TCOF1: variants seen among roughly 807,000 people sequenced by gnomAD.
TCOF1 encodes treacle protein.
Under a neutral mutation model 149.0 loss-of-function variants are expected in TCOF1, and 33 were observed. The ratio of observed to expected loss-of-function variants is 0.22; its 90% CI spans 0.17 to 0.30. TCOF1 has a LOEUF of 0.30. Among genes scored for constraint, TCOF1 ranks in the 10% least tolerant of loss-of-function variants. The probability of loss-of-function intolerance (pLI) is 1.00; values close to 1 mark genes in which losing one functional copy is unlikely to be tolerated. For missense variants in TCOF1, 1,728 were observed against 1,840.7 expected, an observed-to-expected ratio of 0.94 and a Z score of 1.12; for synonymous variants, 789 against 738.8, an observed-to-expected ratio of 1.07 and a Z score of -1.10.
chr5:150,374,143 G>A (rs1438363994), intron 7 of TCOF1, 31 bp from the exon 8 acceptor site: 1 of 1,598,022 alleles, frequency 6.3e-7, no homozygotes, highest in Non-Finnish European at 8.5e-7. Flanking sequence ...TTCACAAGCA[G>A]GAGAGCAAGC....
chr5:150,388,690 C>A (rs1304067317), intron 18 of TCOF1, among the ~76,000 whole-genome samples: 3 of 152,164 alleles, frequency 2.0e-5, no homozygotes, highest in African/African-American at 7.2e-5. Context: ...ATAATCCTAG[C>A]TCTTTGGGAG....
intron 21 of TCOF1, 98 bp downstream of exon 21, chr5:150,392,274 C>A: frequency 1.6e-6 from 2 of 1,239,310 alleles, no homozygotes; most frequent in Non-Finnish European, 2.3e-6. Flanking sequence ...ATCTCAGACT[C>A]ATTCTGCACC....
intron 17 of TCOF1, among the ~76,000 whole-genome samples, chr5:150,381,849 T>G (rs548433068): frequency 1.3e-5 from 2 of 152,280 alleles, no homozygotes; most frequent in South Asian, 4.1e-4. Flanking sequence ...GATTTCTTCA[T>G]CTCTGCACTC....
chr5:150,383,018 C>A, intron 17 of TCOF1: 1 of 1,454,408 alleles, frequency 6.9e-7, no homozygotes, highest in Non-Finnish European at 9.2e-7. Flanking sequence ...TCAGCAAATG[C>A]CCCACTCCCC....
At position 150,396,840 on chromosome 5, in the gene TCOF1, A is replaced by G. The variant is rs200507443; in HGVS notation, c.4343A>G (p.Lys1448Arg). ...KSKKEKKKSD[K>R]RKKDKEKKEK... ...AAGAAGGAGAAGAAGAAATCCGACA[A>G]GAGTGAGTGACCGCTTCTCCCAGCC... Residue 1448 changes from lysine to arginine, a missense_variant and splice_region_variant, in exon 24 of 27, where the codon AAG becomes AGG. This residue lies in a region of TCOF1 where 1,696 missense variants were observed against 1,765.4 expected (regional missense o/e 0.96). Transcript: ENST00000643257. The G allele has an allele frequency of 7.5e-6, 12 of 1,594,250 alleles. No homozygotes were observed. The African/African-American group carries it at 1.2e-4, about 16-fold the overall frequency.
chr5:150,391,863 A>G (rs1335522147), intron 20 of TCOF1, 94 bp from the exon 21 acceptor site: 1 of 1,312,036 alleles, frequency 7.6e-7, no homozygotes, highest in African/African-American at 1.5e-5. Context: ...TGCCCCATCT[A>G]ACACAGTTCC....
At chr5:150,386,132 C>T (rs1292697277) in intron 17 of TCOF1, among the ~76,000 whole-genome samples, 1 of 152,196 alleles carries the variant, frequency 6.6e-6, no homozygotes, top group Non-Finnish European at 1.5e-5. Context: ...CAGGCTAATG[C>T]CCCGCCCCAA....
Position 150,377,207 on chromosome 5 carries a change from G to A in TCOF1, c.2340+587G>A, listed in dbSNP as rs77987711. 2.2e-4 allele frequency among the ~76,000 whole-genome samples: 34 copies of A among 152,294 alleles called. No individual in the cohort carries two copies. In the East Asian group the frequency reaches 5.6e-3, roughly 25 times the overall value. ...GCGGCACATTGTGGTGGGATGGCTGGCAGTTGTTTAGAGCCAGACCGCCTG... is the reference window on the plus strand; with the variant it reads ...GCGGCACATTGTGGTGGGATGGCTGACAGTTGTTTAGAGCCAGACCGCCTG... On this transcript the variant is annotated intron_variant, in intron 14 of 26. Coordinates refer to ENST00000643257, the MANE Select transcript of TCOF1 (RefSeq NM_001371623.1).
chr5:150,387,694 G>A (rs909276174), intron 17 of TCOF1, among the ~76,000 whole-genome samples: 1 of 152,186 alleles, frequency 6.6e-6, no homozygotes, highest in Non-Finnish European at 1.5e-5. Flanking sequence ...GGTCAGGTGG[G>A]CTCTGGGAGT....
chr5:150,357,912 C>T (rs1758999287), intron 1 of TCOF1, 58 bp downstream of exon 1: 1 of 1,513,026 alleles, frequency 6.6e-7, no homozygotes, highest in Admixed American at 2.0e-5. Flanking sequence ...ATCAGCGGCC[C>T]GCGGCCCGCG....
intron 17 of TCOF1, chr5:150,383,809 T>C (rs570562942): frequency 6.4e-7 from 1 of 1,551,692 alleles, no homozygotes; most frequent in South Asian, 1.2e-5. Context: ...CATACCTTCA[T>C]GTGCTCCACT....
intron 26 of TCOF1, 66 bp downstream of exon 26, chr5:150,399,136 C>T: frequency 3.1e-6 from 5 of 1,606,628 alleles, no homozygotes; most frequent in Non-Finnish European, 4.3e-6. Flanking sequence ...CCTGTGGTCC[C>T]AGAGAGCCAG....
intron 2 of TCOF1, among the ~76,000 whole-genome samples, chr5:150,362,155 A>G (rs1433720882): frequency 6.6e-6 from 1 of 152,200 alleles, no homozygotes; most frequent in African/African-American, 2.4e-5. Context: ...GTACCCATGC[A>G]TAGAGCTTGA....
At chr5:150,395,449 G>C (rs139749576) in intron 23 of TCOF1, among the ~76,000 whole-genome samples, 1 of 152,184 alleles carries the variant, frequency 6.6e-6, no homozygotes, top group African/African-American at 2.4e-5. Context: ...AGGCTGGGTC[G>C]GAAGAGGAAT....
In TCOF1 at chr5:150,399,791, A is replaced by G. The variant is rs903299277; in HGVS notation, c.*23-19A>G. On this transcript the variant is annotated intron_variant, in intron 26 of 26. Transcript: ENST00000643257. ...AAGGGTCAGGAAATTTGACATCTGC[A>G]TGTGTTTCCTTCCCCTAGGGATTTC... The G allele has an allele frequency of 3.9e-5, 6 of 153,662 alleles. No homozygotes were observed. The highest frequency in any genetic ancestry group is 1.4e-4 in the African/African-American group (6 of 41,444). The allele number at this position is 153,662 out of a possible 1,614,324, so 9.5% of individuals were successfully genotyped here.
chr5:150,371,170 G>T (rs1039602686), intron 6 of TCOF1, among the ~76,000 whole-genome samples: 1 of 152,158 alleles, frequency 6.6e-6, no homozygotes, highest in Admixed American at 6.5e-5. Context: ...AACTGATCTG[G>T]TGCCCAGGGA....
At chr5:150,358,637 G>A (rs1180003714) in intron 1 of TCOF1, among the ~76,000 whole-genome samples, 1 of 151,396 alleles carries the variant, frequency 6.6e-6, no homozygotes, top group Non-Finnish European at 1.5e-5. Flanking sequence ...AGAAGTTCGA[G>A]ACCAGCCTGG....
In TCOF1 at chr5:150,392,753, C is replaced by G. The variant is rs1384315424; in HGVS notation, c.3566C>G (p.Ala1189Gly). The change falls in exon 22 of 27, where the codon GCA becomes GGA. Residue 1189 changes from alanine (A) to glycine (G), a missense_variant. Physicochemically the swap from Ala to Gly is moderately conservative, Grantham distance 60. This residue lies in a region of TCOF1 where 1,696 missense variants were observed against 1,765.4 expected (regional missense o/e 0.96). Transcript: ENST00000643257. ...GAGACCCTGGTGGAGGAGACCGCAG[C>G]AGAGTCCAGCGAGGATGATGTGGTG... is the stretch of plus-strand genomic sequence containing the variant. ...RTETLVEETA[A>G]ESSEDDVVAP... 6.2e-7 allele frequency: 1 copy of G among 1,614,118 alleles called. No homozygotes were observed. The highest frequency in any genetic ancestry group is 8.5e-7 in the Non-Finnish European group (1 of 1,180,018).
At position 150,375,545 on chromosome 5, in the gene TCOF1, C is replaced by T. The variant is rs768469438; in HGVS notation, c.1695C>T (p.Ala565=). 2.5e-6 allele frequency: 4 copies of T among 1,613,730 alleles called. No individual in the cohort carries two copies. The highest frequency in any genetic ancestry group is 2.2e-5 in the East Asian group (1 of 44,870). ...ATGGAGAGGTGCCCACAGCTGTGGC[C>T]CCGGCTCAGGTGAGGCCCCTTCCTG... ...SSDGEVPTAV[A]PAQEKSLGNI... Residue 565 remains alanine (A), a synonymous_variant, in exon 11 of 27, where the codon GCC becomes GCT. Transcript: ENST00000643257.
Sources: allele counts gnomAD v4.1 joint callset (sites outside exome capture counted in the v4.1 genomes callset), GRCh38; gene constraint gnomAD v4.1.1; regional missense constraint gnomAD v4.1.1; transcripts MANE v1.5; gene names NCBI Gene and HGNC (gene_info 2026-07-23, HGNC 2026-07-21).